The following H6PD variants were observed in gnomAD, a reference collection of about 807,000 sequenced individuals.
H6PD encodes hexose-6-phosphate dehydrogenase/glucose 1-dehydrogenase, also known as GDH/6PGL endoplasmic bifunctional protein.
A neutral mutation model predicts 61.2 loss-of-function variants in H6PD; 48 were observed. The observed-to-expected ratio is 0.78, with a 90% CI of 0.62 to 1.00. The LOEUF (loss-of-function observed/expected upper bound fraction) is 1.00, where lower values mean the gene tolerates loss of function less well. Ranked by LOEUF, H6PD falls within the 50% of genes least tolerant of loss-of-function variation. The pLI is 0.00. For synonymous variants in H6PD, 480 were observed against 457.9 expected (o/e 1.05, Z -0.62); for missense variants, 1,093 against 1,065.0 (o/e 1.03, Z -0.37).
chr1:9,252,818 C>A (rs1178510411), intron 3 of H6PD, among the ~76,000 whole-genome samples: 1 of 151,150 alleles, frequency 6.6e-6, no homozygotes, highest in Non-Finnish European at 1.5e-5. Context: ...ACAGCCATGG[C>A]CCCCCTGCTT....
At chr1:9,248,537 C>T (rs950885867) in intron 3 of H6PD, among the ~76,000 whole-genome samples, 3 of 152,246 alleles carry the variant, frequency 2.0e-5, no homozygotes, top group South Asian at 4.1e-4. Flanking sequence ...CAGTGGTACA[C>T]CCGTAGTCCC....
In H6PD at chr1:9,254,693, A is replaced by G. The variant is rs9435156; in HGVS notation, c.746-7366A>G. 0.2 allele frequency among the ~76,000 whole-genome samples: 29,844 copies of G among 152,110 alleles called. 3,209 individuals carry two copies. Among genetic ancestry groups the G allele is most frequent in the African/African-American group, 0.27 (11,147 of 41,476 alleles). On this transcript the variant is annotated intron_variant, in intron 3 of 4. Coordinates refer to ENST00000377403, the MANE Select transcript of H6PD (RefSeq NM_004285.4). This position sits in a 1 kb window ranked among gnomAD's most constrained non-coding sequence, Gnocchi z 4.6. ...TTCCCTGTTCTAAAACCTTTTTTAA[A>G]AAGTTTTATTGAGCTGTAACTCACA...
rs1468706665 is a variant in H6PD, at chr1:9,268,528, C to T, written c.*3659C>T. 1.3e-5 allele frequency: 2 copies of T among 152,226 alleles called. No individual in the cohort carries two copies. The highest frequency in any genetic ancestry group is 2.9e-5 in the Non-Finnish European group (2 of 68,038). The allele number at this position is 152,226 out of a possible 1,614,324, so 9.4% of individuals were successfully genotyped here. ...TTGTCAGTCAGCATCTCTAGGGCAACCGTGATTGCCATTTGTAGAGGGGAA... is the reference window on the plus strand; with the variant it reads ...TTGTCAGTCAGCATCTCTAGGGCAATCGTGATTGCCATTTGTAGAGGGGAA... On this transcript the variant is annotated 3_prime_UTR_variant, in exon 5 of 5. Transcript: ENST00000377403.
chr1:9,247,207 G>C lies in H6PD; in HGVS notation c.745+124G>C, dbSNP rs535731883. Reference sequence around the variant, plus strand: ...TGTGTGGTCTCCCTTCGAGCCTGCCGTGTGCCTAGCTCTGAACCGGGCTAA... The same window carrying C: ...TGTGTGGTCTCCCTTCGAGCCTGCCCTGTGCCTAGCTCTGAACCGGGCTAA... On this transcript the variant is annotated intron_variant, in intron 3 of 4. Coordinates refer to ENST00000377403, the MANE Select transcript of H6PD (RefSeq NM_004285.4). 13 of 757,574 alleles carry C rather than the reference G, an allele frequency of 1.7e-5. No homozygotes were observed. The African/African-American group carries it at 2.3e-4, about 13-fold the overall frequency. 46.9% of individuals were successfully genotyped at this position (757,574 alleles called of 1,614,324 possible). A position where few individuals can be genotyped will look rare whatever the true frequency, so the allele number is the denominator to read the frequency against.
chr1:9,259,023 G>T (rs573113562), intron 3 of H6PD, among the ~76,000 whole-genome samples: 1 of 152,050 alleles, frequency 6.6e-6, no homozygotes, highest in African/African-American at 2.4e-5. Flanking sequence ...GCAGAGTCTC[G>T]CTCTGTCGCC....
intron 3 of H6PD, among the ~76,000 whole-genome samples, chr1:9,258,414 C>G (rs1373601813): frequency 6.6e-6 from 1 of 151,874 alleles, no homozygotes; most frequent in African/African-American, 2.4e-5. Context: ...GTTGTTATGT[C>G]AGTGTTAATG....
In H6PD at chr1:9,266,434, C is replaced by G. The variant is rs533082578; in HGVS notation, c.*1565C>G. 6.6e-6 allele frequency: 1 copy of G among 152,178 alleles called. No individual in the cohort carries two copies. Among genetic ancestry groups the G allele is most frequent in the South Asian group, 2.1e-4 (1 of 4,828 alleles). The allele number at this position is 152,178 out of a possible 1,614,324, so 9.4% of individuals were successfully genotyped here. On this transcript the variant is annotated 3_prime_UTR_variant, in exon 5 of 5. Transcript: ENST00000377403. ...GCAATACCTGCTTTTCTGAAGCCCCCAAGGAGGGCTCTGACATTCTTTTTA... is the reference window on the plus strand; with the variant it reads ...GCAATACCTGCTTTTCTGAAGCCCCGAAGGAGGGCTCTGACATTCTTTTTA...
intron 3 of H6PD, among the ~76,000 whole-genome samples, chr1:9,257,645 AAG>A (rs927470409): frequency 6.6e-6 from 1 of 152,212 alleles, no homozygotes; most frequent in African/African-American, 2.4e-5. Flanking sequence ...GTGGGGAAGA[AAG>A]AGAAACAGGC....
chr1:9,254,288 A>G lies in H6PD; in HGVS notation c.745+7205A>G, dbSNP rs1455977097. 6.6e-6 allele frequency among the ~76,000 whole-genome samples: 1 copy of G among 152,064 alleles called. No individual in the cohort carries two copies. The highest frequency in any genetic ancestry group is 1.9e-4 in the East Asian group (1 of 5,200). ...GAGAATTGCTTGAACCCAGGAGGCG[A>G]AGGTTACAGTGAGCCAAGATCGCGC... On this transcript the variant is annotated intron_variant, in intron 3 of 4. Transcript: ENST00000377403. This position sits in a 1 kb window ranked among gnomAD's most constrained non-coding sequence, Gnocchi z 4.6.
In H6PD at chr1:9,263,866, A is replaced by G; in HGVS notation, c.1373A>G (p.His458Arg). The G allele has an allele frequency of 6.2e-7, 1 of 1,613,736 alleles. No homozygotes were observed. Among genetic ancestry groups the G allele is most frequent in the Non-Finnish European group, 8.5e-7 (1 of 1,179,892 alleles). ...AYSPVRERDAHSVLLSHIFHG... is the reference protein window; with the variant it reads ...AYSPVRERDARSVLLSHIFHG... ...AGCCCTGTGCGGGAGCGGGACGCCC[A>G]CTCCGTCCTCTTATCCCATATCTTC... Residue 458 changes from histidine (H) to arginine (R), a missense_variant, in exon 5 of 5, where the codon CAC becomes CGC. Physicochemically the swap from His to Arg is conservative, Grantham distance 29. Transcript: ENST00000377403.
At position 9,267,011 on chromosome 1, in the gene H6PD, G is replaced by A. The variant is rs1165739459; in HGVS notation, c.*2142G>A. On this transcript the variant is annotated 3_prime_UTR_variant, in exon 5 of 5. Coordinates refer to ENST00000377403, the MANE Select transcript of H6PD (RefSeq NM_004285.4). ...AATTTTTGTATTTTAGTAGAGACAG[G>A]GTTTCACCATGTTGCCCAGGCTGGT... 6.6e-6 allele frequency: 1 copy of A among 152,244 alleles called. No homozygotes were observed. The highest frequency in any genetic ancestry group is 1.5e-5 in the Non-Finnish European group (1 of 68,116). The allele number at this position is 152,244 out of a possible 1,614,324, so 9.4% of individuals were successfully genotyped here.
intron 3 of H6PD, among the ~76,000 whole-genome samples, chr1:9,250,590 G>A (rs1410528249): frequency 6.6e-6 from 1 of 151,942 alleles, no homozygotes; most frequent in Admixed American, 6.5e-5. Flanking sequence ...GCCCTGCCAA[G>A]GGTTCTGGTG....
rs1638610402 is a variant in H6PD at position 9,267,589 on chromosome 1, C to T, written c.*2720C>T. ...GCCCTGCCTCGGATGCACCACCGATCTGTGCAGAGTGGGTGTGGGAGTGTG... is the reference window on the plus strand; with the variant it reads ...GCCCTGCCTCGGATGCACCACCGATTTGTGCAGAGTGGGTGTGGGAGTGTG... On this transcript the variant is annotated 3_prime_UTR_variant, in exon 5 of 5. Transcript: ENST00000377403. 3.3e-5 allele frequency: 5 copies of T among 152,262 alleles called. No individual in the cohort carries two copies. The South Asian group carries it at 1.0e-3, about 32-fold the overall frequency. The allele number at this position is 152,262 out of a possible 1,614,324, so 9.4% of individuals were successfully genotyped here.
At chr1:9,250,765 C>T (rs1054946807) in intron 3 of H6PD, among the ~76,000 whole-genome samples, 1 of 152,180 alleles carries the variant, frequency 6.6e-6, no homozygotes, top group East Asian at 1.9e-4. Context: ...CTGCAGGCCC[C>T]GGGAAAGGGA....
intron 3 of H6PD, among the ~76,000 whole-genome samples, chr1:9,248,171 C>T (rs1007844863): frequency 6.6e-5 from 10 of 152,242 alleles, no homozygotes; most frequent in African/African-American, 2.2e-4. Flanking sequence ...GCACCCGAGG[C>T]CACTGCCCCC....
Position 9,264,388 on chromosome 1 carries a change from A to G in H6PD, c.1895A>G (p.Asn632Ser). The change falls in exon 5 of 5, where the codon AAC (asparagine) becomes AGC (serine). Residue 632 changes from asparagine to serine, a missense_variant. Transcript: ENST00000377403. ...RCVPLSDPES[N>S]FQGLQAHLLQ... ...GTCCCACTCTCAGACCCGGAGTCCA[A>G]CTTCCAGGGCCTGCAGGCCCACCTG... The G allele has an allele frequency of 5.6e-6, 9 of 1,612,946 alleles. No homozygotes were observed. The highest frequency in any genetic ancestry group is 7.6e-6 in the Non-Finnish European group (9 of 1,179,924).
chr1:9,247,107 C>T (rs757090775), intron 3 of H6PD, 24 bp downstream of exon 3: 36 of 1,461,892 alleles, frequency 2.5e-5, no homozygotes, highest in South Asian at 1.8e-4. Context: ...CCTGCGCACT[C>T]GGTCCCCCAG....
rs1182169004 is a variant in H6PD at position 9,265,189 on chromosome 1, G to A, written c.*320G>A. ...ATCAACCAGCACAACACGGGATGGC[G>A]CCCAAACTCCGGCGTTCACAAGAGG... On this transcript the variant is annotated 3_prime_UTR_variant, in exon 5 of 5. Coordinates refer to ENST00000377403, the MANE Select transcript of H6PD (RefSeq NM_004285.4). The A allele has an allele frequency of 1.6e-5, 7 of 450,154 alleles. No individual in the cohort carries two copies. The highest frequency in any genetic ancestry group is 6.0e-5 in the African/African-American group (3 of 50,264). 27.9% of individuals were successfully genotyped at this position (450,154 alleles called of 1,614,324 possible).
At chr1:9,240,628 C>G (rs564324492) in intron 1 of H6PD, among the ~76,000 whole-genome samples, 1 of 152,198 alleles carries the variant, frequency 6.6e-6, no homozygotes, top group African/African-American at 2.4e-5. Context: ...TGCCCCCTCC[C>G]CTTACAGCTG....
Sources: allele counts gnomAD v4.1 joint callset (sites outside exome capture counted in the v4.1 genomes callset), GRCh38; gene constraint gnomAD v4.1.1; non-coding constraint Gnocchi (gnomAD v3.1); transcripts MANE v1.5; gene names NCBI Gene and HGNC (gene_info 2026-07-23, HGNC 2026-07-21).